Variants in BICD1 observed in about 807,000 individuals in gnomAD.
BICD1 encodes BICD cargo adaptor 1.
In BICD1, 35 loss-of-function variants were observed where a neutral mutation model predicts 92.5. That is an observed-to-expected ratio of 0.38 (90% CI 0.29 to 0.50). BICD1 has a LOEUF of 0.50. Ranked by LOEUF, BICD1 falls within the 20% of genes least tolerant of loss-of-function variation. The pLI is 0.93. For missense variants in BICD1, 950 were observed against 1,189.8 expected (o/e 0.80, Z 2.97); for synonymous variants, 429 against 465.1 (o/e 0.92, Z 1.00).
chr12:32,179,809 G>A (rs969184759), intron 1 of BICD1, among the ~76,000 whole-genome samples: 2 of 151,644 alleles, frequency 1.3e-5, no homozygotes, highest in Non-Finnish European at 2.9e-5. Flanking sequence ...TGGCCAGCAT[G>A]GTGAAGCCTC....
chr12:32,277,782 C>T (rs1394405260), intron 2 of BICD1, among the ~76,000 whole-genome samples: 1 of 152,200 alleles, frequency 6.6e-6, no homozygotes, highest in African/African-American at 2.4e-5. Flanking sequence ...CTGTACCTTT[C>T]CTTTCGGATG....
intron 2 of BICD1, among the ~76,000 whole-genome samples, chr12:32,286,369 A>C (rs1472778862): frequency 6.6e-6 from 1 of 152,114 alleles, no homozygotes; most frequent in Non-Finnish European, 1.5e-5. Context: ...ATATTAAATA[A>C]GGAAAAATAA....
At chr12:32,267,741 C>T (rs921169715) in intron 2 of BICD1, among the ~76,000 whole-genome samples, 3 of 152,148 alleles carry the variant, frequency 2.0e-5, no homozygotes, top group African/African-American at 7.2e-5. Flanking sequence ...TGTTAATTAA[C>T]TTTTATTACC....
chr12:32,204,846 G>T (rs1012091896), intron 1 of BICD1, among the ~76,000 whole-genome samples: 7 of 152,184 alleles, frequency 4.6e-5, no homozygotes, highest in African/African-American at 1.7e-4. Flanking sequence ...GTTGAACGCA[G>T]TGTGAATTAC....
chr12:32,335,415 G>T (rs1431514247), intron 6 of BICD1, among the ~76,000 whole-genome samples: 2 of 151,752 alleles, frequency 1.3e-5, no homozygotes, highest in Non-Finnish European at 2.9e-5. Context: ...CTCCCAAAGT[G>T]CTGGGATTAC....
At chr12:32,347,680 C>T (rs1000181619) in intron 8 of BICD1, among the ~76,000 whole-genome samples, 2 of 151,564 alleles carry the variant, frequency 1.3e-5, no homozygotes, top group Admixed American at 6.6e-5. Flanking sequence ...ATACCCTTTT[C>T]ATACATCTCT....
chr12:32,146,209 T>C (rs933058314), intron 1 of BICD1, among the ~76,000 whole-genome samples: 1 of 152,250 alleles, frequency 6.6e-6, no homozygotes, highest in African/African-American at 2.4e-5. Context: ...AGTTTTCTCT[T>C]GCACACTGTT....
chr12:32,251,786 G>C (rs1276492821), intron 2 of BICD1, among the ~76,000 whole-genome samples: 2 of 150,904 alleles, frequency 1.3e-5, no homozygotes, highest in Non-Finnish European at 2.9e-5. Context: ...AGATCCATGG[G>C]ATAAGTTGTT....
intron 1 of BICD1, among the ~76,000 whole-genome samples, chr12:32,199,094 T>C (rs1337675432): frequency 1.3e-5 from 2 of 152,156 alleles, no homozygotes; most frequent in Non-Finnish European, 1.5e-5. Context: ...CAGAGAGGCA[T>C]AAATACGAGG....
intron 1 of BICD1, among the ~76,000 whole-genome samples, chr12:32,197,211 G>A (rs1221909288): frequency 1.3e-5 from 2 of 152,032 alleles, no homozygotes; most frequent in Non-Finnish European, 2.9e-5. Context: ...GTTTCACCAT[G>A]TTGGCCAGGC....
intron 1 of BICD1, among the ~76,000 whole-genome samples, chr12:32,212,722 C>T (rs1438956841): frequency 6.6e-6 from 1 of 152,142 alleles, no homozygotes; most frequent in Non-Finnish European, 1.5e-5. Context: ...CGTGTCCAGC[C>T]TACCGTGACA....
chr12:32,145,542 T>C (rs1192479083), intron 1 of BICD1, among the ~76,000 whole-genome samples: 1 of 152,180 alleles, frequency 6.6e-6, no homozygotes, highest in African/African-American at 2.4e-5. Flanking sequence ...GACACTAAAA[T>C]AATTACAATA....
intron 3 of BICD1, among the ~76,000 whole-genome samples, chr12:32,303,632 C>T (rs1283598420): frequency 6.6e-6 from 1 of 152,152 alleles, no homozygotes; most frequent in Non-Finnish European, 1.5e-5. Flanking sequence ...CCGCTTAGAA[C>T]ATGATCAAAT....
intron 5 of BICD1, among the ~76,000 whole-genome samples, chr12:32,334,303 G>A (rs1938007809): frequency 6.6e-6 from 1 of 152,174 alleles, no homozygotes; most frequent in South Asian, 2.1e-4. Flanking sequence ...CGGGCTTCTA[G>A]GGCAATTTAA....
rs58895470 is a variant in BICD1, at chr12:32,225,621, GTTTTTT to G, written c.426+9177_426+9182del. On this transcript the variant is annotated intron_variant, in intron 2 of 9. Transcript: ENST00000652176. ...TGGTATTTGACAGTTCTTTTTTTCT[GTTTTTT>G]TTTTTTTTTTTTTTAGACGGAGTTT... 8.6e-5 allele frequency among the ~76,000 whole-genome samples: 8 copies of G among 92,786 alleles called. No homozygotes were observed. In the East Asian group the frequency reaches 2.3e-3, roughly 27 times the overall value. The allele number at this position is 92,786 out of a possible 152,430, so 60.9% of individuals were successfully genotyped here. A position where few individuals can be genotyped will look rare whatever the true frequency, so the allele number is the denominator to read the frequency against.
intron 1 of BICD1, among the ~76,000 whole-genome samples, chr12:32,201,034 T>C (rs1469898100): frequency 6.6e-6 from 1 of 152,222 alleles, no homozygotes; most frequent in African/African-American, 2.4e-5. Flanking sequence ...TCAATACTGC[T>C]TTGTGTACTA....
chr12:32,176,713 G>A (rs1944099924), intron 1 of BICD1, among the ~76,000 whole-genome samples: 1 of 152,094 alleles, frequency 6.6e-6, no homozygotes, highest in Non-Finnish European at 1.5e-5. Flanking sequence ...AGGGTTTCGA[G>A]TTTCATCAGT....
At chr12:32,227,963 A>G in intron 2 of BICD1, 1 of 214,234 alleles carries the variant, frequency 4.7e-6, no homozygotes, top group Admixed American at 4.3e-5. Context: ...GGCTTCATGG[A>G]GTTCTTCTTC....
chr12:32,338,279 T>A (rs1220761998), intron 7 of BICD1: 2 of 175,708 alleles, frequency 1.1e-5, no homozygotes. Flanking sequence ...GGGAAACTTT[T>A]GTCCATATGA....
Sources: gnomAD v4.1 joint callset for allele counts (sites outside exome capture counted in the v4.1 genomes callset) on GRCh38, gnomAD v4.1.1 for gene constraint, MANE v1.5 for transcripts, NCBI Gene and HGNC (gene_info 2026-07-23, HGNC 2026-07-21) for gene names.